Variants in ANKRD12 observed in about 807,000 individuals in gnomAD.
The protein encoded by ANKRD12 is ankyrin repeat domain 12.
A neutral mutation model predicts 183.4 loss-of-function variants in ANKRD12; 85 were observed. The ratio of observed to expected loss-of-function variants is 0.46; its 90% confidence interval spans 0.39 to 0.56. The LOEUF (loss-of-function observed/expected upper bound fraction) is 0.56. Ranked by LOEUF, ANKRD12 falls within the 20% of genes least tolerant of loss-of-function variation. ANKRD12 has a pLI of 0.00. For synonymous variants in ANKRD12, 914 were observed against 800.2 expected, an observed-to-expected ratio of 1.14 and a Z score of -2.40; for missense variants, 2,405 against 2,357.1, an observed-to-expected ratio of 1.02 and a Z score of -0.42.
intron 3 of ANKRD12, among the ~76,000 whole-genome samples, chr18:9,202,370 T>C (rs1202348870): frequency 3.9e-5 from 6 of 152,230 alleles, no homozygotes; most frequent in Non-Finnish European, 5.9e-5. Flanking sequence ...CAGATAGATA[T>C]AATTTTTCTG....
In ANKRD12 at chr18:9,276,073, C is replaced by T. The variant is rs368630232; in HGVS notation, c.5907+406C>T. 2.5e-4 allele frequency among the ~76,000 whole-genome samples: 37 copies of T among 150,166 alleles called. No homozygotes were observed. In the South Asian group the frequency reaches 5.4e-3, roughly 22 times the overall value. ...AAACAGAGCGAGTCTTCTGGTTTGA[C>T]TTTGAATGTTGGTGGAATACATGAA... On this transcript the variant is annotated intron_variant, in intron 11 of 12. Coordinates refer to ENST00000262126, the MANE Select transcript of ANKRD12 (RefSeq NM_015208.5).
Position 9,275,638 on chromosome 18 carries a change from G to T in ANKRD12, c.5878G>T (p.Glu1960Ter). 1 of 1,604,558 alleles carries T rather than the reference G, an allele frequency of 6.2e-7. No individual in the cohort carries two copies. Among genetic ancestry groups the T allele is most frequent in the Non-Finnish European group, 8.5e-7 (1 of 1,173,058 alleles). ...TGCTTGTACTGTTTTGCTGGATGCC[G>T]AAGTATACAATGTACCATTGGACTC... ...FSACTVLLDAEVYNVPLDSQS... is the reference protein window; with the variant it reads ...FSACTVLLDA The change falls in exon 11 of 13, where the codon GAA (glutamate) becomes TAA (stop). Residue 1960 changes from glutamate to a stop codon, truncating the protein, a stop_gained. Transcript: ENST00000262126. LOFTEE classifies it high-confidence loss of function.
chr18:9,227,262 A>G (rs2036773275), intron 8 of ANKRD12, among the ~76,000 whole-genome samples: 1 of 152,144 alleles, frequency 6.6e-6, no homozygotes. Context: ...TGGGTTACAG[A>G]TATATAGTGT....
chr18:9,281,116 C>T lies in ANKRD12; in HGVS notation c.6179C>T (p.Thr2060Ile). 1 of 1,613,712 alleles carries T rather than the reference C, an allele frequency of 6.2e-7. No homozygotes were observed. The highest frequency in any genetic ancestry group is 8.5e-7 in the Non-Finnish European group (1 of 1,179,794). Residue 2060 changes from threonine (T) to isoleucine (I), a missense_variant, in exon 13 of 13, where the codon ACT becomes ATT. By Grantham distance (89) the Thr-to-Ile change is moderately conservative (BLOSUM62 -1). Transcript: ENST00000262126. ...GATGTTAACGACGACTTTGAATTGA[C>T]TCCTATATAGCAGTCAGTACTTCCT... is the stretch of plus-strand genomic sequence containing the variant. ...LVDVNDDFEL[T>I]PI
At chr18:9,235,613 C>T in intron 8 of ANKRD12, 1 of 456,212 alleles carries the variant, frequency 2.2e-6, no homozygotes, top group South Asian at 1.5e-5. Flanking sequence ...TCAAAGGGAT[C>T]AAACCTTAGT....
chr18:9,253,948 A>G (rs2038445018), intron 8 of ANKRD12, among the ~76,000 whole-genome samples: 2 of 152,168 alleles, frequency 1.3e-5, no homozygotes, highest in Non-Finnish European at 2.9e-5. Flanking sequence ...TATACTATAT[A>G]TTGTGATTTT....
At chr18:9,226,330 C>CAGG (rs1230696408) in intron 8 of ANKRD12, among the ~76,000 whole-genome samples, 2 of 152,006 alleles carry the variant, frequency 1.3e-5, no homozygotes, top group African/African-American at 4.8e-5. Flanking sequence ...GAGGCTGAGG[C>CAGG]AGGAGAATCA....
intron 8 of ANKRD12, chr18:9,249,517 C>CA (rs1327705635): frequency 1.2e-4 from 19 of 152,120 alleles, no homozygotes; most frequent in African/African-American, 4.6e-4. Flanking sequence ...GTTAACTTTA[C>CA]CTCCTTCCAA....
intron 1 of ANKRD12, among the ~76,000 whole-genome samples, chr18:9,150,797 G>C (rs558459154): frequency 6.6e-6 from 1 of 152,146 alleles, no homozygotes; most frequent in Non-Finnish European, 1.5e-5. Flanking sequence ...GGGACTACAG[G>C]CACCTGCCAC....
intron 3 of ANKRD12, among the ~76,000 whole-genome samples, chr18:9,196,859 C>T (rs1186155732): frequency 1.3e-5 from 2 of 151,664 alleles, no homozygotes; most frequent in African/African-American, 2.4e-5. Flanking sequence ...TTTTTCCCCC[C>T]GAAGCATCCT....
chr18:9,197,803 CAG>C (rs1390579588), intron 3 of ANKRD12, among the ~76,000 whole-genome samples: 3 of 152,176 alleles, frequency 2.0e-5, no homozygotes, highest in Non-Finnish European at 2.9e-5. Flanking sequence ...TTTGCTGTCT[CAG>C]GGATGCAGGG....
At chr18:9,191,901 C>T (rs1289475319) in intron 2 of ANKRD12, among the ~76,000 whole-genome samples, 1 of 152,196 alleles carries the variant, frequency 6.6e-6, no homozygotes, top group African/African-American at 2.4e-5. Context: ...CCCCAGAACC[C>T]ACTGAAATTA....
At chr18:9,161,738 ATG>A (rs372785729) in intron 1 of ANKRD12, among the ~76,000 whole-genome samples, 123 of 148,454 alleles carry the variant, frequency 8.3e-4, no homozygotes, top group African/African-American at 2.7e-3. Context: ...TGATATGTTG[ATG>A]TGTGTGTGTG....
At chr18:9,279,704 A>G (rs1294440383) in intron 12 of ANKRD12, 60 bp downstream of exon 12, 2 of 956,084 alleles carry the variant, frequency 2.1e-6, no homozygotes, top group Admixed American at 2.5e-5. Context: ...AAAAAAAAAA[A>G]CTCTACAGCT....
At chr18:9,177,995 T>G (rs1167072193) in intron 1 of ANKRD12, among the ~76,000 whole-genome samples, 1 of 152,256 alleles carries the variant, frequency 6.6e-6, no homozygotes, top group Non-Finnish European at 1.5e-5. Context: ...TGGATATAAG[T>G]CCTTTAGAAT....
intron 1 of ANKRD12, among the ~76,000 whole-genome samples, chr18:9,180,377 G>T (rs1004898918): frequency 6.6e-6 from 1 of 151,596 alleles, no homozygotes; most frequent in African/African-American, 2.4e-5. Context: ...CTTCTTGTTG[G>T]TTTTTTTCCC....
rs780201560 is a variant in ANKRD12, at chr18:9,221,970, C to T, written c.914C>T (p.Pro305Leu). 6 of 1,613,772 alleles carry T rather than the reference C, an allele frequency of 3.7e-6. No homozygotes were observed. Among genetic ancestry groups the T allele is most frequent in the Non-Finnish European group, 5.1e-6 (6 of 1,179,818 alleles). ...ELELLLKREV[P>L]LSDDDESYTD... ...GAGTTGCTACTAAAAAGAGAGGTGC[C>T]TTTATCTGATGATGATGAAAGTTAC... Residue 305 changes from proline (P) to leucine (L), a missense_variant, in exon 8 of 13, where the codon CCT becomes CTT. Pro to Leu is a moderately conservative substitution (Grantham distance 98). Around this residue, in one of 7 missense-constraint regions of ANKRD12, gnomAD observed 1,983 missense variants for 1,725.9 expected, o/e 1.15. Coordinates refer to ENST00000262126, the MANE Select transcript of ANKRD12 (RefSeq NM_015208.5).
At chr18:9,240,751 A>G (rs1490207983) in intron 8 of ANKRD12, among the ~76,000 whole-genome samples, 2 of 152,184 alleles carry the variant, frequency 1.3e-5, no homozygotes, top group Non-Finnish European at 2.9e-5. Flanking sequence ...ATTAATAAAT[A>G]GGCAAGCTAC....
intron 8 of ANKRD12, among the ~76,000 whole-genome samples, chr18:9,223,700 T>C (rs2036551609): frequency 6.6e-6 from 1 of 152,092 alleles, no homozygotes. Context: ...TGTCAAAATA[T>C]ATAAAGCAAA....
Sources: gnomAD v4.1 joint callset for allele counts (sites outside exome capture counted in the v4.1 genomes callset) on GRCh38, gnomAD v4.1.1 for gene constraint, gnomAD v4.1.1 regional missense constraint, MANE v1.5 for transcripts, NCBI Gene and HGNC (gene_info 2026-07-23, HGNC 2026-07-21) for gene names.